Variants in DMXL1 observed in about 807,000 individuals in gnomAD.
DMXL1 encodes the protein dmX-like protein 1.
Under a neutral mutation model 319.2 loss-of-function variants are expected in DMXL1, and 99 were observed. That is an observed-to-expected ratio of 0.31 (90% CI 0.26 to 0.37). The LOEUF is 0.37. Ranked by LOEUF, DMXL1 falls within the 10% of genes least tolerant of loss-of-function variation. The probability of loss-of-function intolerance (pLI) is 1.00; values close to 1 mark genes in which losing one functional copy is unlikely to be tolerated. For synonymous variants in DMXL1, 1,385 were observed against 1,235.2 expected, an observed-to-expected ratio of 1.12 and a Z score of -2.54; for missense variants, 3,745 against 3,595.6, an observed-to-expected ratio of 1.04 and a Z score of -1.06.
At chr5:119,135,133 T>TCCAAAGCA (rs1412916794) in intron 13 of DMXL1, among the ~76,000 whole-genome samples, 1 of 152,222 alleles carries the variant, frequency 6.6e-6, no homozygotes, top group Non-Finnish European at 1.5e-5. Context: ...CACAAGGTTT[T>TCCAAAGCA]CCAAAGCATG....
At chr5:119,109,620 T>A (rs1411764919) in intron 4 of DMXL1, among the ~76,000 whole-genome samples, 2 of 152,348 alleles carry the variant, frequency 1.3e-5, no homozygotes, top group South Asian at 2.1e-4. Flanking sequence ...ATACATAAAT[T>A]TATATGTCTT....
At chr5:119,196,956 T>C (rs1453517227) in intron 31 of DMXL1, among the ~76,000 whole-genome samples, 2 of 152,190 alleles carry the variant, frequency 1.3e-5, no homozygotes, top group Non-Finnish European at 2.9e-5. Flanking sequence ...TTATTCTCAT[T>C]ATGCCGTAGT....
chr5:119,094,275 G>T (rs1332443010), intron 1 of DMXL1, among the ~76,000 whole-genome samples: 1 of 152,184 alleles, frequency 6.6e-6, no homozygotes, highest in African/African-American at 2.4e-5. Context: ...TTAAGTTGAA[G>T]CCCATGCCCA....
chr5:119,085,639 G>A (rs1463207643), intron 1 of DMXL1, among the ~76,000 whole-genome samples: 1 of 152,028 alleles, frequency 6.6e-6, no homozygotes, highest in Admixed American at 6.5e-5. Flanking sequence ...TGTGAACAAG[G>A]CTAATTTGAC....
intron 13 of DMXL1, among the ~76,000 whole-genome samples, chr5:119,135,875 A>G (rs971489220): frequency 3.3e-5 from 5 of 152,218 alleles, no homozygotes; most frequent in African/African-American, 9.6e-5. Context: ...AAAACAGCCT[A>G]CTACAGATAA....
At chr5:119,158,846 A>AGTG in intron 19 of DMXL1, among the ~76,000 whole-genome samples, 1 of 152,296 alleles carries the variant, frequency 6.6e-6, no homozygotes, top group African/African-American at 2.4e-5. Context: ...ACTTGATCAC[A>AGTG]GTGGGTGATC....
chr5:119,162,308 ACT>A (rs1772445205), intron 19 of DMXL1, among the ~76,000 whole-genome samples: 1 of 151,972 alleles, frequency 6.6e-6, no homozygotes, highest in African/African-American at 2.4e-5. Context: ...TGCTACTTAA[ACT>A]CTCTTTGTGC....
rs1287922137 is a variant in DMXL1, at chr5:119,247,754, G to A, written c.*535G>A. 1.3e-5 allele frequency: 2 copies of A among 152,570 alleles called. No individual in the cohort carries two copies. Among genetic ancestry groups the A allele is most frequent in the Non-Finnish European group, 1.5e-5 (1 of 68,394 alleles). 9.5% of individuals were successfully genotyped at this position (152,570 alleles called of 1,614,324 possible). On this transcript the variant is annotated 3_prime_UTR_variant, in exon 44 of 44. Coordinates refer to ENST00000539542, the MANE Select transcript of DMXL1 (RefSeq NM_001290321.3). The stretch of plus-strand genomic sequence containing the variant: ...ATAAATGAGCTAGATGGCTCAATAT[G>A]TAAGGTTTTCAGTAGTTTACCCTCC...
intron 28 of DMXL1, among the ~76,000 whole-genome samples, chr5:119,180,423 A>G (rs1045476853): frequency 2.0e-5 from 3 of 151,778 alleles, no homozygotes; most frequent in East Asian, 1.9e-4. Context: ...CATCCTGCCT[A>G]TTACTCATCC....
At chr5:119,106,173 C>T (rs933045477) in intron 4 of DMXL1, among the ~76,000 whole-genome samples, 1 of 152,074 alleles carries the variant, frequency 6.6e-6, no homozygotes, top group Non-Finnish European at 1.5e-5. Context: ...CCTTTGTTCT[C>T]CTCCACATGG....
intron 38 of DMXL1, among the ~76,000 whole-genome samples, chr5:119,225,774 A>C (rs1785434103): frequency 6.6e-6 from 1 of 152,152 alleles, no homozygotes; most frequent in Admixed American, 6.6e-5. Flanking sequence ...ATAATATAAA[A>C]AATTTGTCTG....
intron 42 of DMXL1, among the ~76,000 whole-genome samples, chr5:119,242,892 G>A (rs1303824206): frequency 6.6e-6 from 1 of 152,144 alleles, no homozygotes; most frequent in East Asian, 1.9e-4. Flanking sequence ...ACAATTTAAT[G>A]TCAACATATA....
Position 119,189,712 on chromosome 5 carries a change from T to G in DMXL1, c.7140T>G (p.Ser2380=), listed in dbSNP as rs768585888. The part of the protein sequence containing the change: ...EQTHSKTLPV[S]SLVEEGEKQN... ...ATTTTATTTTCTTTTTGTTAGTTTCTTCACTAGTTGAAGAAGGAGAAAAAC... is the reference window on the plus strand; with the variant it reads ...ATTTTATTTTCTTTTTGTTAGTTTCGTCACTAGTTGAAGAAGGAGAAAAAC... The change falls in exon 29 of 44, where the codon TCT becomes TCG. Residue 2380 remains serine, a synonymous_variant. Transcript: ENST00000539542. 5.0e-6 allele frequency: 8 copies of G among 1,613,608 alleles called. No individual in the cohort carries two copies. The highest frequency in any genetic ancestry group is 6.8e-6 in the Non-Finnish European group (8 of 1,179,762).
At chr5:119,243,000 A>G (rs1383233651) in intron 42 of DMXL1, among the ~76,000 whole-genome samples, 1 of 152,210 alleles carries the variant, frequency 6.6e-6, no homozygotes, top group Non-Finnish European at 1.5e-5. Context: ...GAACTTCTGG[A>G]ATGAACTAAT....
At chr5:119,184,252 A>C (rs1163215754) in intron 28 of DMXL1, among the ~76,000 whole-genome samples, 3 of 151,988 alleles carry the variant, frequency 2.0e-5, no homozygotes, top group African/African-American at 7.3e-5. Context: ...ATTTTTATAG[A>C]GACAAGGTCT....
At chr5:119,097,391 C>T (rs1288058383) in intron 1 of DMXL1, among the ~76,000 whole-genome samples, 1 of 152,148 alleles carries the variant, frequency 6.6e-6, no homozygotes, top group African/African-American at 2.4e-5. Context: ...GATCATGGTT[C>T]AGTTTAGACA....
intron 19 of DMXL1, among the ~76,000 whole-genome samples, chr5:119,155,838 A>AAAT (rs1770913575): frequency 1.3e-5 from 2 of 151,930 alleles, no homozygotes; most frequent in East Asian, 3.9e-4. Flanking sequence ...AAAAAAAAAA[A>AAAT]AAAAAACAAA....
intron 1 of DMXL1, among the ~76,000 whole-genome samples, chr5:119,090,631 C>T (rs1459774159): frequency 3.4e-5 from 5 of 148,934 alleles, no homozygotes; most frequent in East Asian, 2.0e-4. Context: ...GGCGCGATCT[C>T]GGCTCACCGC....
At chr5:119,104,702 GA>G (rs916194830) in intron 3 of DMXL1, among the ~76,000 whole-genome samples, 4 of 151,964 alleles carry the variant, frequency 2.6e-5, no homozygotes, top group African/African-American at 9.7e-5. Context: ...TTTGCAGGCA[GA>G]AAAAAAGGGA....
Sources: allele counts gnomAD v4.1 joint callset (sites outside exome capture counted in the v4.1 genomes callset), GRCh38; gene constraint gnomAD v4.1.1; transcripts MANE v1.5; gene names NCBI Gene and HGNC (gene_info 2026-07-23, HGNC 2026-07-21).